HTR1F: variants seen among roughly 807,000 people sequenced by gnomAD.
HTR1F encodes 5-hydroxytryptamine receptor 1F, also known as 5-hydroxytryptamine (serotonin) receptor 1F, G protein-coupled.
Under a neutral mutation model 24.0 loss-of-function variants are expected in HTR1F, and 17 were observed. That is an observed-to-expected ratio of 0.71 (90% CI 0.48 to 1.06). The LOEUF is 1.06. Ranked by LOEUF, HTR1F falls within the 50% of genes least tolerant of loss-of-function variation. The probability of loss-of-function intolerance (pLI) is 0.00; values close to 1 mark genes in which losing one functional copy is unlikely to be tolerated. For missense variants in HTR1F, 391 were observed against 427.8 expected (o/e 0.91, Z 0.76); for synonymous variants, 186 against 156.8 (o/e 1.19, Z -1.39).
intron 1 of HTR1F, among the ~76,000 whole-genome samples, chr3:87,816,533 T>C (rs1446415947): frequency 6.6e-6 from 1 of 152,098 alleles, no homozygotes; most frequent in Non-Finnish European, 1.5e-5. Flanking sequence ...TTTACCATTC[T>C]GATTTTCTCA....
chr3:87,863,219 C>T (rs1334424139), intron 2 of HTR1F, among the ~76,000 whole-genome samples: 2 of 152,170 alleles, frequency 1.3e-5, no homozygotes, highest in African/African-American at 2.4e-5. Context: ...CCCTCACTTG[C>T]TTTGAGTTTG....
intron 1 of HTR1F, chr3:87,793,321 G>A (rs1336461824): frequency 4.0e-5 from 6 of 150,882 alleles, no homozygotes; most frequent in African/African-American, 1.5e-4. Flanking sequence ...GAGAGGATTC[G>A]CGGGGGGGAC....
chr3:87,868,874 C>T (rs950910018), intron 2 of HTR1F, among the ~76,000 whole-genome samples: 3 of 151,970 alleles, frequency 2.0e-5, no homozygotes, highest in Middle Eastern at 3.4e-3. Flanking sequence ...ATTATCTGAA[C>T]ATTATGCAGT....
rs1052628078 is a variant in HTR1F at position 87,988,002 on chromosome 3, GA to G, written c.-42-2698del. Among the ~76,000 whole-genome samples, 3 of 150,952 alleles carry G rather than the reference GA, an allele frequency of 2.0e-5. No individual in the cohort carries two copies. The Admixed American group carries it at 2.0e-4, about 10-fold the overall frequency. Reference sequence around the variant, plus strand: ...AGAAACTCATAGATGTGGCAGCATTGAAAAAAAATTAGACAGATGAGAAACA... The same window carrying G: ...AGAAACTCATAGATGTGGCAGCATTGAAAAAAATTAGACAGATGAGAAACA... On this transcript the variant is annotated intron_variant, in intron 2 of 2. Transcript: ENST00000319595.
chr3:87,846,640 T>C (rs779276781), intron 2 of HTR1F, among the ~76,000 whole-genome samples: 7 of 152,002 alleles, frequency 4.6e-5, no homozygotes, highest in Non-Finnish European at 8.8e-5. Context: ...AAATTCAGTG[T>C]TATTTCCACA....
At chr3:87,846,219 G>A (rs1399699011) in intron 2 of HTR1F, among the ~76,000 whole-genome samples, 1 of 151,974 alleles carries the variant, frequency 6.6e-6, no homozygotes, top group Admixed American at 6.5e-5. Context: ...GATCACCTGA[G>A]GCCAGCAGTT....
chr3:87,955,601 C>CT (rs914817098), intron 2 of HTR1F, among the ~76,000 whole-genome samples: 18 of 151,458 alleles, frequency 1.2e-4, no homozygotes, highest in Admixed American at 9.2e-4. Flanking sequence ...TTTGTTTAGC[C>CT]TTTTTTTACA....
At chr3:87,915,398 G>C (rs950168803) in intron 2 of HTR1F, among the ~76,000 whole-genome samples, 11 of 152,080 alleles carry the variant, frequency 7.2e-5, no homozygotes, top group African/African-American at 2.2e-4. Flanking sequence ...TAGTTATTAA[G>C]CTAATCAGGG....
At chr3:87,985,877 T>G (rs1446192464) in intron 2 of HTR1F, among the ~76,000 whole-genome samples, 1 of 152,218 alleles carries the variant, frequency 6.6e-6, no homozygotes. Context: ...AGCATTAGAT[T>G]TTAAAAACTG....
intron 2 of HTR1F, among the ~76,000 whole-genome samples, chr3:87,922,126 T>C (rs1478310075): frequency 6.6e-6 from 1 of 152,026 alleles, no homozygotes; most frequent in Non-Finnish European, 1.5e-5. Context: ...ATGGGCATAC[T>C]AATTTACATT....
chr3:87,810,274 GAACA>G (rs1257958783), intron 1 of HTR1F, among the ~76,000 whole-genome samples: 1 of 152,082 alleles, frequency 6.6e-6, no homozygotes, highest in African/African-American at 2.4e-5. Context: ...GAAGTGGAAG[GAACA>G]AACAGTCCCA....
chr3:87,904,660 G>T (rs1703619883), intron 2 of HTR1F, among the ~76,000 whole-genome samples: 1 of 152,000 alleles, frequency 6.6e-6, no homozygotes, highest in South Asian at 2.1e-4. Context: ...TACACAAGAA[G>T]TAGAAGCACT....
chr3:87,844,804 G>GT (rs1403492094), intron 2 of HTR1F, among the ~76,000 whole-genome samples: 3 of 148,618 alleles, frequency 2.0e-5, no homozygotes, highest in Non-Finnish European at 3.0e-5. Context: ...CCCATTGCTT[G>GT]TTTTTCTCAG....
chr3:87,986,974 C>T (rs542215474), intron 2 of HTR1F, among the ~76,000 whole-genome samples: 1 of 152,014 alleles, frequency 6.6e-6, no homozygotes, highest in East Asian at 1.9e-4. Flanking sequence ...GGTGTGGTGA[C>T]ACGTGCCTGT....
chr3:87,981,026 C>T (rs555190018), intron 2 of HTR1F, among the ~76,000 whole-genome samples: 19 of 152,274 alleles, frequency 1.2e-4, no homozygotes, highest in Admixed American at 9.8e-4. Flanking sequence ...CCCACCAACT[C>T]AGAAGGGTGC....
At chr3:87,854,467 CT>C (rs1705157501) in intron 2 of HTR1F, among the ~76,000 whole-genome samples, 1 of 151,668 alleles carries the variant, frequency 6.6e-6, no homozygotes, top group South Asian at 2.1e-4. Flanking sequence ...AGTCTGACTT[CT>C]TTAATACCTA....
chr3:87,917,675 A>G (rs753473953), intron 2 of HTR1F, among the ~76,000 whole-genome samples: 9 of 151,892 alleles, frequency 5.9e-5, no homozygotes, highest in Non-Finnish European at 1.2e-4. Context: ...AGAATTAGAT[A>G]CCCTGAACAG....
At chr3:87,927,237 A>C (rs539133898) in intron 2 of HTR1F, among the ~76,000 whole-genome samples, 1 of 152,332 alleles carries the variant, frequency 6.6e-6, no homozygotes, top group African/African-American at 2.4e-5. Flanking sequence ...GATGGGTTAA[A>C]AGACAGTTAT....
chr3:87,961,002 A>T (rs2015394), intron 2 of HTR1F, among the ~76,000 whole-genome samples: 1 of 148,880 alleles, frequency 6.7e-6, no homozygotes, highest in South Asian at 2.1e-4. Context: ...GGTATGGTGC[A>T]CACACACACA....
Sources: gnomAD v4.1 joint callset for allele counts (sites outside exome capture counted in the v4.1 genomes callset) on GRCh38, gnomAD v4.1.1 for gene constraint, MANE v1.5 for transcripts, NCBI Gene and HGNC (gene_info 2026-07-23, HGNC 2026-07-21) for gene names.